PRIMPOL: variants seen among roughly 807,000 people sequenced by gnomAD.
The protein encoded by PRIMPOL is primase and DNA directed polymerase.
A neutral mutation model predicts 63.6 loss-of-function variants in PRIMPOL; 54 were observed. The ratio of observed to expected loss-of-function variants is 0.85; its 90% CI spans 0.68 to 1.07. The LOEUF (loss-of-function observed/expected upper bound fraction) is 1.07, where lower values mean the gene tolerates loss of function less well. Among genes scored for constraint, PRIMPOL ranks in the 50% least tolerant of loss-of-function variants. PRIMPOL has a pLI of 0.00. For synonymous variants in PRIMPOL, 197 were observed against 220.2 expected (o/e 0.89, Z 0.93); for missense variants, 610 against 648.3 (o/e 0.94, Z 0.64).
At chr4:184,664,589 G>A (rs1282176134) in intron 5 of PRIMPOL, among the ~76,000 whole-genome samples, 1 of 152,222 alleles carries the variant, frequency 6.6e-6, no homozygotes, top group African/African-American at 2.4e-5. Flanking sequence ...TACAAATGGA[G>A]AAGGGGACGG....
At chr4:184,681,994 G>A (rs2150137731) in intron 8 of PRIMPOL, among the ~76,000 whole-genome samples, 1 of 152,170 alleles carries the variant, frequency 6.6e-6, no homozygotes, top group African/African-American at 2.4e-5. Context: ...CTGTAATTAA[G>A]GATAGTATTA....
intron 5 of PRIMPOL, among the ~76,000 whole-genome samples, chr4:184,663,691 C>T (rs147897373): frequency 4.5e-4 from 69 of 152,292 alleles, no homozygotes; most frequent in African/African-American, 1.6e-3. Flanking sequence ...TTGGAAGAAA[C>T]TGTAGAAATC....
chr4:184,665,662 G>C (rs1021120562), intron 5 of PRIMPOL, among the ~76,000 whole-genome samples: 5 of 151,792 alleles, frequency 3.3e-5, no homozygotes, highest in African/African-American at 1.2e-4. Flanking sequence ...CTGCCACCAC[G>C]CCTGGCTAAT....
chr4:184,690,293 A>G (rs890084406), intron 11 of PRIMPOL, among the ~76,000 whole-genome samples: 3 of 152,210 alleles, frequency 2.0e-5, no homozygotes, highest in Non-Finnish European at 4.4e-5. Context: ...GTTGTTCACA[A>G]TATTGTTTTC....
At chr4:184,677,095 GTCTCTTTCTC>G (rs1194071698) in intron 7 of PRIMPOL, among the ~76,000 whole-genome samples, 2 of 105,996 alleles carry the variant, frequency 1.9e-5, no homozygotes, top group East Asian at 5.1e-4. Flanking sequence ...CTCTCTCTCT[GTCTCTTTCTC>G]TCTCTTTCTT....
chr4:184,672,607 T>C, intron 7 of PRIMPOL, 147 bp downstream of exon 7: 2 of 770,622 alleles, frequency 2.6e-6, no homozygotes, highest in Non-Finnish European at 4.2e-6. Context: ...GTTCAGGTGC[T>C]GGGAATCTGT....
At chr4:184,651,085 C>T (rs1744244086) in intron 1 of PRIMPOL, among the ~76,000 whole-genome samples, 1 of 151,930 alleles carries the variant, frequency 6.6e-6, no homozygotes, top group Non-Finnish European at 1.5e-5. Flanking sequence ...GTCAGGAGTT[C>T]GAGACCAGCC....
chr4:184,681,082 G>T (rs1258516446), intron 8 of PRIMPOL, among the ~76,000 whole-genome samples: 2 of 152,124 alleles, frequency 1.3e-5, no homozygotes, highest in Admixed American at 1.3e-4. Context: ...GAGGTGGAGG[G>T]TTCTTCTACT....
At chr4:184,692,664 T>C (rs757667412) in intron 13 of PRIMPOL, among the ~76,000 whole-genome samples, 1 of 152,028 alleles carries the variant, frequency 6.6e-6, no homozygotes, top group Admixed American at 6.6e-5. Flanking sequence ...TTTCAGTTTT[T>C]TTTCTAAAGT....
chr4:184,682,777 CAG>C (rs1755970793), intron 9 of PRIMPOL, among the ~76,000 whole-genome samples: 1 of 152,146 alleles, frequency 6.6e-6, no homozygotes, highest in African/African-American at 2.4e-5. Context: ...TAGCCAAGCA[CAG>C]GGGCTCACAC....
At chr4:184,683,610 A>G (rs1281363123) in intron 9 of PRIMPOL, among the ~76,000 whole-genome samples, 1 of 152,136 alleles carries the variant, frequency 6.6e-6, no homozygotes, top group Admixed American at 6.5e-5. Flanking sequence ...AGCGTTTCCT[A>G]TATTTCCTAT....
At chr4:184,653,987 C>T (rs1230532519) in intron 2 of PRIMPOL, among the ~76,000 whole-genome samples, 1 of 152,202 alleles carries the variant, frequency 6.6e-6, no homozygotes, top group Non-Finnish European at 1.5e-5. Context: ...TCAAGCTGTG[C>T]AGATATGAAG....
At chr4:184,683,624 T>G (rs2150143343) in intron 9 of PRIMPOL, among the ~76,000 whole-genome samples, 1 of 152,280 alleles carries the variant, frequency 6.6e-6, no homozygotes, top group East Asian at 1.9e-4. Context: ...TTCCTATATA[T>G]AGAGAGAGAT....
intron 5 of PRIMPOL, 77 bp from the exon 6 acceptor site, chr4:184,665,840 T>C (rs889683063): frequency 3.7e-5 from 35 of 950,408 alleles, no homozygotes; most frequent in Non-Finnish European, 7.7e-6. Flanking sequence ...AGATGATATA[T>C]AAAGAGATGC....
In PRIMPOL at chr4:184,691,484, T is replaced by C. The variant is rs760882181; in HGVS notation, c.1296-15T>C. On this transcript the variant is annotated splice_polypyrimidine_tract_variant and intron_variant, in intron 11 of 13. Transcript: ENST00000314970. ...TCTTGGTATTAATACTTTTTTTTTTTTTTTAAACATAAAGGATTCTGGTTG... is the reference window on the plus strand; with the variant it reads ...TCTTGGTATTAATACTTTTTTTTTTCTTTTAAACATAAAGGATTCTGGTTG... 6.6e-7 allele frequency: 1 copy of C among 1,513,206 alleles called. No individual in the cohort carries two copies. Among genetic ancestry groups the C allele is most frequent in the South Asian group, 1.2e-5 (1 of 83,470 alleles). The allele number at this position is 1,513,206 out of a possible 1,614,324, so 93.7% of individuals were successfully genotyped here.
At position 184,666,061 on chromosome 4, in the gene PRIMPOL, G is replaced by A. The variant is rs755240412; in HGVS notation, c.553G>A (p.Val185Ile). ...TGTGGCATTTAAAGATAATATTCATGTTGGTAAGTACACGGCTTTTTAAAA... is the reference window on the plus strand; with the variant it reads ...TGTGGCATTTAAAGATAATATTCATATTGGTAAGTACACGGCTTTTTAAAA... Reference protein sequence around the residue: ...HDVAFKDNIHVGNFLRKILQP... With the variant: ...HDVAFKDNIHIGNFLRKILQP... The change falls in exon 6 of 14, where the codon GTT becomes ATT. Residue 185 changes from valine to isoleucine, a missense_variant. Physicochemically the swap from Val to Ile is conservative, Grantham distance 29. This residue lies in a region of PRIMPOL where 444 missense variants were observed against 456.4 expected (regional missense o/e 0.97). Transcript: ENST00000314970. 2.2e-5 allele frequency: 35 copies of A among 1,601,722 alleles called. No individual in the cohort carries two copies. The East Asian group carries it at 7.4e-4, about 34-fold the overall frequency.
At chr4:184,651,290 C>CAAAAAAAAAA (rs1203681677) in intron 1 of PRIMPOL, among the ~76,000 whole-genome samples, 2 of 143,930 alleles carry the variant, frequency 1.4e-5, no homozygotes, top group African/African-American at 2.8e-5. Flanking sequence ...GACTCTGTCT[C>CAAAAAAAAAA]AAAAAAAAGA....
intron 2 of PRIMPOL, 120 bp downstream of exon 2, chr4:184,652,220 G>A (rs1288628243): frequency 6.6e-6 from 1 of 152,216 alleles, no homozygotes; most frequent in Non-Finnish European, 1.5e-5. Context: ...ATAGGTAAAT[G>A]ATTTAGGGCC....
At chr4:184,677,259 G>A (rs1754348039) in intron 7 of PRIMPOL, among the ~76,000 whole-genome samples, 1 of 151,842 alleles carries the variant, frequency 6.6e-6, no homozygotes, top group Non-Finnish European at 1.5e-5. Context: ...ACTGCACCTG[G>A]CGTGGCTTTT....
Sources: allele counts gnomAD v4.1 joint callset (sites outside exome capture counted in the v4.1 genomes callset), GRCh38; gene constraint gnomAD v4.1.1; regional missense constraint gnomAD v4.1.1; transcripts MANE v1.5; gene names NCBI Gene and HGNC (gene_info 2026-07-23, HGNC 2026-07-21).